The following SGPP2 variants were observed in gnomAD, a reference collection of about 807,000 sequenced individuals.
SGPP2 encodes the protein sphingosine-1-phosphate phosphatase 2.
Under a neutral mutation model 33.9 loss-of-function variants are expected in SGPP2, and 30 were observed. The ratio of observed to expected loss-of-function variants is 0.89; its 90% CI spans 0.66 to 1.20. The LOEUF is 1.20. Among genes scored for constraint, SGPP2 ranks in the 50% most tolerant of loss-of-function variants. The pLI is 0.00. For missense variants in SGPP2, 458 were observed against 532.1 expected, an observed-to-expected ratio of 0.86 and a Z score of 1.37; for synonymous variants, 233 against 225.0, an observed-to-expected ratio of 1.04 and a Z score of -0.32.
rs866342414 is a variant in SGPP2 at position 222,475,435 on chromosome 2, T to C, written c.378+709T>C. On this transcript the variant is annotated intron_variant, in intron 2 of 4. Transcript: ENST00000321276. ...AGAAAGGAACCTTTCTAAGGACCCA[T>C]AGAGTGGTATGAAATGCATCCTCCC... Among the ~76,000 whole-genome samples the C allele has an allele frequency of 3.3e-4, 50 of 152,196 alleles. 1 individual carries two copies. The highest frequency in any genetic ancestry group is 2.2e-4 in the Non-Finnish European group (15 of 68,000).
chr2:222,470,780 A>G (rs918454319), intron 1 of SGPP2, among the ~76,000 whole-genome samples: 1 of 152,228 alleles, frequency 6.6e-6, no homozygotes, highest in Non-Finnish European at 1.5e-5. Flanking sequence ...TACCAGGTGT[A>G]TCTGGTAGCT....
At chr2:222,557,023 T>C (rs1168162787) in intron 4 of SGPP2, among the ~76,000 whole-genome samples, 1 of 151,900 alleles carries the variant, frequency 6.6e-6, no homozygotes, top group Admixed American at 6.6e-5. Context: ...AACCCAGTCA[T>C]GTTGCTACCC....
chr2:222,497,257 T>C (rs1698295210), intron 2 of SGPP2, among the ~76,000 whole-genome samples: 1 of 148,864 alleles, frequency 6.7e-6, no homozygotes, highest in African/African-American at 2.5e-5. Context: ...CTTCTTTTTT[T>C]TTTTTTTTTT....
intron 4 of SGPP2, 124 bp from the exon 5 acceptor site, chr2:222,558,223 T>A (rs1274179118): frequency 9.2e-7 from 1 of 1,091,710 alleles, no homozygotes; most frequent in African/African-American, 1.6e-5. Flanking sequence ...GAACATGTAC[T>A]GTAAAATAAA....
intron 2 of SGPP2, among the ~76,000 whole-genome samples, chr2:222,508,963 A>G (rs978718325): frequency 1.3e-5 from 2 of 152,204 alleles, no homozygotes; most frequent in African/African-American, 4.8e-5. Flanking sequence ...AAAAATAAAA[A>G]TAATGCCAGA....
chr2:222,524,213 G>A (rs987193291), intron 3 of SGPP2, among the ~76,000 whole-genome samples: 2 of 152,228 alleles, frequency 1.3e-5, no homozygotes, highest in African/African-American at 4.8e-5. Context: ...GAAGACTAAA[G>A]GAGATAGTAT....
At chr2:222,553,398 G>A (rs1377168498) in intron 4 of SGPP2, among the ~76,000 whole-genome samples, 1 of 152,198 alleles carries the variant, frequency 6.6e-6, no homozygotes, top group Non-Finnish European at 1.5e-5. Flanking sequence ...AAGTTCAAAT[G>A]GGAAAGTGAG....
At chr2:222,450,698 A>G (rs1697472438) in intron 1 of SGPP2, among the ~76,000 whole-genome samples, 1 of 152,290 alleles carries the variant, frequency 6.6e-6, no homozygotes, top group East Asian at 1.9e-4. Context: ...CCTGGAGGGG[A>G]GGTTCTACCT....
chr2:222,531,285 T>A (rs886899224), intron 4 of SGPP2, among the ~76,000 whole-genome samples: 1 of 152,124 alleles, frequency 6.6e-6, no homozygotes. Context: ...CAAAGTGCAA[T>A]CAAGGGAAGC....
intron 4 of SGPP2, among the ~76,000 whole-genome samples, chr2:222,540,382 T>C (rs1430182071): frequency 6.6e-6 from 1 of 152,210 alleles, no homozygotes; most frequent in Non-Finnish European, 1.5e-5. Flanking sequence ...TTTTGGGCAT[T>C]TCAAATTTTG....
At chr2:222,497,250 C>CTTTTTTTTT (rs57363978) in intron 2 of SGPP2, among the ~76,000 whole-genome samples, 2 of 118,550 alleles carry the variant, frequency 1.7e-5, no homozygotes, top group African/African-American at 3.1e-5. Flanking sequence ...TCTCTTTCTT[C>CTTTTTTTTT]TTTTTTTTTT....
intron 2 of SGPP2, among the ~76,000 whole-genome samples, chr2:222,479,916 A>T (rs1343619022): frequency 6.6e-6 from 1 of 152,176 alleles, no homozygotes; most frequent in African/African-American, 2.4e-5. Flanking sequence ...GAAACACATC[A>T]ATCAATTCAC....
chr2:222,555,469 T>A (rs1574894815), intron 4 of SGPP2, among the ~76,000 whole-genome samples: 1 of 95,610 alleles, frequency 1.0e-5, no homozygotes, highest in Non-Finnish European at 2.3e-5. Flanking sequence ...TTTTTTTTGG[T>A]GGTTGTTGAT....
chr2:222,453,561 C>T (rs1000005376), intron 1 of SGPP2, among the ~76,000 whole-genome samples: 1 of 151,930 alleles, frequency 6.6e-6, no homozygotes. Context: ...TCTCCTCAGC[C>T]TACTCAACAT....
At chr2:222,543,347 G>A (rs891930868) in intron 4 of SGPP2, among the ~76,000 whole-genome samples, 5 of 152,164 alleles carry the variant, frequency 3.3e-5, no homozygotes, top group Non-Finnish European at 5.9e-5. Context: ...TAAGTCAAGT[G>A]ACTTTATGCA....
upstream of SGPP2, among the ~76,000 whole-genome samples, chr2:222,424,024 G>T (rs1459794098): frequency 6.6e-6 from 1 of 152,126 alleles, no homozygotes; most frequent in African/African-American, 2.4e-5. Flanking sequence ...GAAAGAACTT[G>T]GGAATTCTCC....
At chr2:222,533,404 G>A (rs78663160) in intron 4 of SGPP2, among the ~76,000 whole-genome samples, 1,958 of 152,280 alleles carry the variant, frequency 0.013, 49 homozygotes, top group African/African-American at 0.044. Flanking sequence ...GGGACAGGTC[G>A]CAGAGCAGAA....
At chr2:222,432,563 A>G (rs4674649) in intron 1 of SGPP2, among the ~76,000 whole-genome samples, 75,631 of 152,128 alleles carry the variant, frequency 0.5, 19,562 homozygotes, top group Admixed American at 0.65. Flanking sequence ...AACAGACTCA[A>G]TCGAATTGCT....
At chr2:222,474,832 AC>A in intron 2 of SGPP2, 106 bp downstream of exon 2, 1 of 813,130 alleles carries the variant, frequency 1.2e-6, no homozygotes, top group Non-Finnish European at 1.8e-6. Flanking sequence ...TTTTTTTTTT[AC>A]CACTTAGAGT....
Sources: allele counts gnomAD v4.1 joint callset (sites outside exome capture counted in the v4.1 genomes callset), GRCh38; gene constraint gnomAD v4.1.1; transcripts MANE v1.5; gene names NCBI Gene and HGNC (gene_info 2026-07-23, HGNC 2026-07-21).